FOXP2: variants seen among roughly 807,000 people sequenced by gnomAD.
FOXP2 encodes the protein forkhead box protein P2.
A neutral mutation model predicts 115.8 loss-of-function variants in FOXP2; 12 were observed. That is an observed-to-expected ratio of 0.10 (90% CI 0.07 to 0.17). The LOEUF (loss-of-function observed/expected upper bound fraction) is 0.17, where lower values mean the gene tolerates loss of function less well. Ranked by LOEUF, FOXP2 falls within the 10% of genes least tolerant of loss-of-function variation. The pLI is 1.00. For synonymous variants in FOXP2, 328 were observed against 297.7 expected, an observed-to-expected ratio of 1.10 and a Z score of -1.05; for missense variants, 629 against 843.5, an observed-to-expected ratio of 0.75 and a Z score of 3.15.
chr7:114,691,003 T>C lies in FOXP2; in HGVS notation c.*1077T>C. ...AAGTCCATCTAAATGCAATGAAGATTTGCTTTCATTAAAGACAGAGGTGAG... is the reference window on the plus strand; with the variant it reads ...AAGTCCATCTAAATGCAATGAAGATCTGCTTTCATTAAAGACAGAGGTGAG... On this transcript the variant is annotated 3_prime_UTR_variant, in exon 17 of 17. Transcript: ENST00000350908. 2.2e-6 allele frequency: 1 copy of C among 454,382 alleles called. No homozygotes were observed. The highest frequency in any genetic ancestry group is 4.4e-6 in the Non-Finnish European group (1 of 226,762). The allele number at this position is 454,382 out of a possible 1,614,324, so 28.1% of individuals were successfully genotyped here. A position where few individuals can be genotyped will look rare whatever the true frequency, so the allele number is the denominator to read the frequency against.
At chr7:114,567,768 C>T (rs532132173) in intron 3 of FOXP2, among the ~76,000 whole-genome samples, 2 of 152,150 alleles carry the variant, frequency 1.3e-5, no homozygotes, top group South Asian at 2.1e-4. Flanking sequence ...TCTGTTAAAG[C>T]ATGGTTGATC....
intron 1 of FOXP2, among the ~76,000 whole-genome samples, chr7:114,230,346 G>A (rs1386791181): frequency 6.6e-6 from 1 of 151,714 alleles, no homozygotes; most frequent in Non-Finnish European, 1.5e-5. Flanking sequence ...AAACTGAAAA[G>A]GAAGGAACAC....
intron 13 of FOXP2, among the ~76,000 whole-genome samples, chr7:114,660,547 A>G (rs1806807326): frequency 6.6e-6 from 1 of 152,200 alleles, no homozygotes; most frequent in African/African-American, 2.4e-5. Context: ...GCAAGCGATT[A>G]CAGATATATG....
At chr7:114,115,459 CT>C (rs1248205619) in intron 1 of FOXP2, among the ~76,000 whole-genome samples, 2 of 152,086 alleles carry the variant, frequency 1.3e-5, no homozygotes, top group Non-Finnish European at 2.9e-5. Context: ...TACATGGCTT[CT>C]CCCCTGTCTC....
At chr7:114,496,136 AT>A (rs1200372196) in intron 2 of FOXP2, among the ~76,000 whole-genome samples, 4 of 152,150 alleles carry the variant, frequency 2.6e-5, no homozygotes, top group Non-Finnish European at 2.9e-5. Context: ...TAGAAAAAAA[AT>A]CTATAATAAT....
intron 2 of FOXP2, among the ~76,000 whole-genome samples, chr7:114,289,031 ACT>A: frequency 6.6e-6 from 1 of 151,788 alleles, no homozygotes; most frequent in African/African-American, 2.4e-5. Flanking sequence ...AATTTCTACA[ACT>A]CTCTCAAGAT....
intron 2 of FOXP2, among the ~76,000 whole-genome samples, chr7:114,341,001 T>A (rs972082768): frequency 6.6e-5 from 10 of 151,100 alleles, no homozygotes; most frequent in African/African-American, 1.5e-4. Context: ...CTTTTTATTT[T>A]AAAAAAATAT....
chr7:114,280,837 T>A (rs1487175895), intron 1 of FOXP2, among the ~76,000 whole-genome samples: 2 of 152,088 alleles, frequency 1.3e-5, no homozygotes, highest in African/African-American at 4.8e-5. Flanking sequence ...CCAGGACAAA[T>A]TGCTGTTATA....
chr7:114,637,175 T>C (rs897034630), intron 6 of FOXP2, among the ~76,000 whole-genome samples: 3 of 152,140 alleles, frequency 2.0e-5, no homozygotes, highest in African/African-American at 7.2e-5. Flanking sequence ...TAAGAATTAT[T>C]ATTAAGTTGT....
intron 2 of FOXP2, among the ~76,000 whole-genome samples, chr7:114,374,510 A>C (rs750564519): frequency 6.6e-5 from 10 of 152,172 alleles, no homozygotes; most frequent in Non-Finnish European, 1.5e-4. Context: ...AAGGACCCAA[A>C]GTGTGTGATA....
chr7:114,511,089 G>A (rs1394033282), intron 2 of FOXP2, among the ~76,000 whole-genome samples: 4 of 152,042 alleles, frequency 2.6e-5, no homozygotes. Flanking sequence ...ATCATTCTCA[G>A]CAAACTAACA....
intron 2 of FOXP2, among the ~76,000 whole-genome samples, chr7:114,331,731 G>A (rs1797721229): frequency 6.6e-6 from 1 of 150,946 alleles, no homozygotes; most frequent in African/African-American, 2.4e-5. Flanking sequence ...GCAGTGGCCC[G>A]ATCTTGGCTT....
intron 2 of FOXP2, among the ~76,000 whole-genome samples, chr7:114,307,553 G>A (rs1360227306): frequency 6.6e-6 from 1 of 152,032 alleles, no homozygotes; most frequent in Non-Finnish European, 1.5e-5. Context: ...AACTCAAAGG[G>A]GTACATAAGT....
intron 2 of FOXP2, among the ~76,000 whole-genome samples, chr7:114,371,538 G>A (rs2129189537): frequency 6.6e-6 from 1 of 152,044 alleles, no homozygotes; most frequent in South Asian, 2.1e-4. Context: ...AAAGATATAT[G>A]CTTTTCAGAG....
intron 1 of FOXP2, 62 bp from the exon 2 acceptor site, chr7:114,426,440 T>A (rs1793851746): frequency 9.3e-6 from 14 of 1,504,316 alleles, no homozygotes; most frequent in Non-Finnish European, 1.3e-5. Flanking sequence ...GAGAGGGACA[T>A]CTTGATAATG....
At chr7:114,120,177 G>A (rs1041534372) in intron 1 of FOXP2, among the ~76,000 whole-genome samples, 2 of 152,090 alleles carry the variant, frequency 1.3e-5, no homozygotes, top group African/African-American at 4.8e-5. Flanking sequence ...GATTCACAGA[G>A]TCTGGTTTTG....
intron 2 of FOXP2, among the ~76,000 whole-genome samples, chr7:114,435,539 G>GTTGT (rs753372271): frequency 6.6e-5 from 10 of 152,030 alleles, no homozygotes; most frequent in Non-Finnish European, 1.3e-4. Context: ...AAGTTAGTTT[G>GTTGT]TTGTTTGTTT....
chr7:114,361,491 A>G (rs1791743886), intron 2 of FOXP2, among the ~76,000 whole-genome samples: 1 of 152,142 alleles, frequency 6.6e-6, no homozygotes, highest in African/African-American at 2.4e-5. Flanking sequence ...GATTTCAAGT[A>G]TAATTTGTTC....
intron 7 of FOXP2, among the ~76,000 whole-genome samples, chr7:114,642,932 C>T (rs983146983): frequency 6.7e-6 from 1 of 150,088 alleles, no homozygotes; most frequent in Non-Finnish European, 1.5e-5. Flanking sequence ...CCCCAGCCTC[C>T]CGAGTAGCTG....
Sources: gnomAD v4.1 joint callset for allele counts (sites outside exome capture counted in the v4.1 genomes callset) on GRCh38, gnomAD v4.1.1 for gene constraint, MANE v1.5 for transcripts, NCBI Gene and HGNC (gene_info 2026-07-23, HGNC 2026-07-21) for gene names.